The following HRH1 variants were observed in gnomAD, a reference collection of about 807,000 sequenced individuals.
HRH1 encodes the protein histamine H1 receptor.
In HRH1, 6 loss-of-function variants were observed where a neutral mutation model predicts 10.3. The observed-to-expected ratio is 0.58, with a 90% CI of 0.32 to 1.15. HRH1 has a LOEUF of 1.15. Among genes scored for constraint, HRH1 ranks in the 50% most tolerant of loss-of-function variants. HRH1 has a pLI of 0.05. For synonymous variants in HRH1, 242 were observed against 236.7 expected (o/e 1.02, Z -0.21); for missense variants, 514 against 615.3 (o/e 0.84, Z 1.74).
intron 1 of HRH1, among the ~76,000 whole-genome samples, chr3:11,209,893 C>T (rs557730917): frequency 5.3e-5 from 8 of 152,142 alleles, no homozygotes; most frequent in Non-Finnish European, 1.0e-4. Flanking sequence ...GCTGTGCTGC[C>T]GAGATAGACC....
chr3:11,239,480 T>A lies in HRH1; in HGVS notation c.-35-19523T>A, dbSNP rs536729127. ...TTCCATTCCATAGCTTTTCATTTTC[T>A]TAGTGGTACCTCTTGAAACCCAAAA... On this transcript the variant is annotated intron_variant, in intron 1 of 1. Transcript: ENST00000431010. 1.7e-3 allele frequency among the ~76,000 whole-genome samples: 254 copies of A among 152,352 alleles called. 2 individuals are homozygous for A. The highest frequency in any genetic ancestry group is 4.6e-3 in the East Asian group (24 of 5,188).
upstream of HRH1, among the ~76,000 whole-genome samples, chr3:11,151,642 C>T (rs796143280): frequency 5.9e-5 from 9 of 152,184 alleles, no homozygotes; most frequent in African/African-American, 1.4e-4. Flanking sequence ...GGACTACAGG[C>T]GCACACTGCC....
chr3:11,254,367 T>C (rs530501431), intron 1 of HRH1, among the ~76,000 whole-genome samples: 48 of 152,354 alleles, frequency 3.2e-4, no homozygotes, highest in African/African-American at 8.4e-4. Context: ...AAGCTGCCTT[T>C]AAGCCATATG....
intron 1 of HRH1, among the ~76,000 whole-genome samples, chr3:11,236,721 T>C (rs1939190592): frequency 6.6e-6 from 1 of 152,222 alleles, no homozygotes; most frequent in South Asian, 2.1e-4. Context: ...AACTTCTATA[T>C]ATAAATATAT....
chr3:11,246,124 A>G (rs1939479241), intron 1 of HRH1, among the ~76,000 whole-genome samples: 1 of 151,970 alleles, frequency 6.6e-6, no homozygotes, highest in South Asian at 2.1e-4. Flanking sequence ...GCACATACAC[A>G]TTCACTCACA....
intron 1 of HRH1, among the ~76,000 whole-genome samples, chr3:11,255,245 CA>C (rs1939755025): frequency 6.6e-6 from 1 of 151,972 alleles, no homozygotes; most frequent in Non-Finnish European, 1.5e-5. Flanking sequence ...AACTCCGTCT[CA>C]AATTAAAATT....
At chr3:11,185,241 G>A (rs904653929) in intron 1 of HRH1, among the ~76,000 whole-genome samples, 3 of 152,164 alleles carry the variant, frequency 2.0e-5, no homozygotes, top group African/African-American at 7.2e-5. Context: ...CTGGAGCATA[G>A]CGCTGAGGCT....
chr3:11,250,027 C>A (rs1002806293), intron 1 of HRH1, among the ~76,000 whole-genome samples: 1 of 134,968 alleles, frequency 7.4e-6, no homozygotes, highest in African/African-American at 2.8e-5. Context: ...GCAGATTAAG[C>A]TTTTCTCTTT....
At chr3:11,137,495 G>C (rs1936204482) in intron 1 of HRH1, 1 of 153,108 alleles carries the variant, frequency 6.5e-6, no homozygotes, top group South Asian at 2.1e-4. Flanking sequence ...GGAATGATGG[G>C]GGACGAGTCA....
intron 1 of HRH1, among the ~76,000 whole-genome samples, chr3:11,189,704 G>A (rs908417880): frequency 2.6e-5 from 4 of 151,918 alleles, no homozygotes; most frequent in Non-Finnish European, 4.4e-5. Context: ...GGCCAAAGGG[G>A]GTGGATCACT....
chr3:11,236,965 CA>C (rs1377681677), intron 1 of HRH1, among the ~76,000 whole-genome samples: 1 of 152,190 alleles, frequency 6.6e-6, no homozygotes, highest in African/African-American at 2.4e-5. Context: ...TTATTTAGTT[CA>C]ATATCATCAA....
intron 1 of HRH1, among the ~76,000 whole-genome samples, chr3:11,189,239 G>A (rs892161344): frequency 6.6e-6 from 1 of 152,174 alleles, no homozygotes; most frequent in Non-Finnish European, 1.5e-5. Flanking sequence ...GAGTCCAGGA[G>A]ACACGCTCAG....
chr3:11,225,054 G>T (rs1309733005), intron 1 of HRH1, among the ~76,000 whole-genome samples: 1 of 152,188 alleles, frequency 6.6e-6, no homozygotes, highest in Non-Finnish European at 1.5e-5. Flanking sequence ...CCACTCACAG[G>T]AGGAGTGCTG....
At chr3:11,214,668 TCCAGGGGC>T (rs1222430064) in intron 1 of HRH1, among the ~76,000 whole-genome samples, 2 of 152,240 alleles carry the variant, frequency 1.3e-5, no homozygotes, top group African/African-American at 2.4e-5. Context: ...GTATATTCAG[TCCAGGGGC>T]CCAGGGGCCA....
At chr3:11,188,927 G>A (rs1447985027) in intron 1 of HRH1, among the ~76,000 whole-genome samples, 1 of 152,238 alleles carries the variant, frequency 6.6e-6, no homozygotes, top group East Asian at 1.9e-4. Flanking sequence ...AGTGCTTCCT[G>A]AAGACAGGAG....
chr3:11,247,997 TA>T (rs1939535601), intron 1 of HRH1, among the ~76,000 whole-genome samples: 1 of 152,240 alleles, frequency 6.6e-6, no homozygotes, highest in Non-Finnish European at 1.5e-5. Flanking sequence ...ATGAGGGTTG[TA>T]AAGGGGTCAT....
chr3:11,251,425 T>C (rs750701989), intron 1 of HRH1, among the ~76,000 whole-genome samples: 1 of 152,224 alleles, frequency 6.6e-6, no homozygotes, highest in African/African-American at 2.4e-5. Flanking sequence ...AGTTCCTTCC[T>C]GGTTTTGCAG....
chr3:11,229,382 T>C (rs183423426), intron 1 of HRH1, among the ~76,000 whole-genome samples: 144 of 152,292 alleles, frequency 9.5e-4, no homozygotes, highest in Non-Finnish European at 1.5e-3. Flanking sequence ...GGAGGAAATG[T>C]CATACCAACA....
At chr3:11,193,397 T>A (rs372127475) in intron 1 of HRH1, among the ~76,000 whole-genome samples, 1 of 152,374 alleles carries the variant, frequency 6.6e-6, no homozygotes. Context: ...GGTGTCTCAG[T>A]CCATTCAGGC....
Sources: allele counts gnomAD v4.1 joint callset (sites outside exome capture counted in the v4.1 genomes callset), GRCh38; gene constraint gnomAD v4.1.1; transcripts MANE v1.5; gene names NCBI Gene and HGNC (gene_info 2026-07-23, HGNC 2026-07-21).